The following AHCYL2 variants were observed in gnomAD, a reference collection of about 807,000 sequenced individuals.
The protein encoded by AHCYL2 is adenosylhomocysteinase like 2, also known as S-adenosylhomocysteine hydrolase-like protein 2.
In AHCYL2, 28 loss-of-function variants were observed where a neutral mutation model predicts 81.4. That is an observed-to-expected ratio of 0.34 (90% CI 0.25 to 0.47). AHCYL2 has a LOEUF of 0.47. Ranked by LOEUF, AHCYL2 falls within the 20% of genes least tolerant of loss-of-function variation. AHCYL2 has a pLI of 1.00. For missense variants in AHCYL2, 551 were observed against 785.1 expected (o/e 0.70, Z 3.56); for synonymous variants, 272 against 290.2 (o/e 0.94, Z 0.64).
intron 1 of AHCYL2, among the ~76,000 whole-genome samples, chr7:129,249,189 G>A (rs940297337): frequency 2.6e-5 from 4 of 151,838 alleles, no homozygotes; most frequent in South Asian, 4.2e-4. Context: ...GTAGAGACAA[G>A]ATCTTGCCAT....
chr7:129,275,713 A>G (rs913891705), intron 1 of AHCYL2, among the ~76,000 whole-genome samples: 4 of 152,182 alleles, frequency 2.6e-5, no homozygotes, highest in African/African-American at 9.7e-5. Context: ...ATAGATAGAT[A>G]GAATACAAAA....
At chr7:129,407,663 C>T (rs1016138016) in intron 10 of AHCYL2, among the ~76,000 whole-genome samples, 12 of 152,128 alleles carry the variant, frequency 7.9e-5, no homozygotes, top group African/African-American at 2.9e-4. Context: ...CCTGTAGACA[C>T]GAATTGATCA....
intron 1 of AHCYL2, among the ~76,000 whole-genome samples, chr7:129,262,940 G>C (rs927415100): frequency 1.3e-5 from 2 of 152,132 alleles, no homozygotes; most frequent in African/African-American, 4.8e-5. Context: ...TTGGAATACG[G>C]AATAGGAGTC....
At position 129,409,328 on chromosome 7, in the gene AHCYL2, C is replaced by T. The variant is rs985026705; in HGVS notation, c.1296-148C>T. 6 of 566,906 alleles carry T rather than the reference C, an allele frequency of 1.1e-5. No individual in the cohort carries two copies. In the East Asian group the frequency reaches 1.6e-4, roughly 15 times the overall value. The allele number at this position is 566,906 out of a possible 1,614,324, so 35.1% of individuals were successfully genotyped here. On this transcript the variant is annotated intron_variant, in intron 10 of 16. Transcript: ENST00000325006. ...ACCTTTTATTTCTGTCTTGTATGAA[C>T]TAAGGAAATTGTTTGGATTTTTCAC...
At chr7:129,331,269 G>C (rs1391798880) in intron 1 of AHCYL2, among the ~76,000 whole-genome samples, 1 of 152,066 alleles carries the variant, frequency 6.6e-6, no homozygotes, top group Admixed American at 6.6e-5. Context: ...TGGCAATAGA[G>C]AACATGTTAT....
intron 1 of AHCYL2, among the ~76,000 whole-genome samples, chr7:129,288,023 TATC>T (rs1435529816): frequency 6.6e-6 from 1 of 152,200 alleles, no homozygotes; most frequent in African/African-American, 2.4e-5. Context: ...TCAATTCCAT[TATC>T]ATGCTAAAAA....
Position 129,375,708 on chromosome 7 carries a change from T to C in AHCYL2, c.364-3930T>C, listed in dbSNP as rs1193751644. Reference sequence around the variant, plus strand: ...GGGGCTGTACTGCTGAAGGGGTTGTTGGAGCTGCTTCAGGGATTCCAAGGA... The same window carrying C: ...GGGGCTGTACTGCTGAAGGGGTTGTCGGAGCTGCTTCAGGGATTCCAAGGA... On this transcript the variant is annotated intron_variant, in intron 1 of 16. Coordinates refer to ENST00000325006, the MANE Select transcript of AHCYL2 (RefSeq NM_015328.4). The C allele has an allele frequency of 4.8e-6, 7 of 1,443,690 alleles. No individual in the cohort carries two copies. In the Admixed American group the frequency reaches 1.4e-4, roughly 28 times the overall value. 89.4% of individuals were successfully genotyped at this position (1,443,690 alleles called of 1,614,324 possible).
chr7:129,417,883 A>G (rs779285662), intron 12 of AHCYL2, among the ~76,000 whole-genome samples: 3 of 152,370 alleles, frequency 2.0e-5, no homozygotes, highest in Non-Finnish European at 4.4e-5. Context: ...GAGACAAATA[A>G]TAAAGAAATA....
chr7:129,315,636 A>G (rs914507906), intron 1 of AHCYL2, among the ~76,000 whole-genome samples: 14 of 152,250 alleles, frequency 9.2e-5, no homozygotes, highest in Non-Finnish European at 1.8e-4. Flanking sequence ...GCTTGAGGGC[A>G]AAAGCTATGT....
intron 1 of AHCYL2, among the ~76,000 whole-genome samples, chr7:129,315,116 CTA>C (rs1363845947): frequency 1.3e-5 from 2 of 152,128 alleles, no homozygotes; most frequent in Admixed American, 6.5e-5. Flanking sequence ...GAAAAAAACC[CTA>C]TGTCTTACCT....
intron 1 of AHCYL2, among the ~76,000 whole-genome samples, chr7:129,366,469 C>T (rs142824164): frequency 1.1e-4 from 16 of 152,252 alleles, no homozygotes; most frequent in East Asian, 5.8e-4. Flanking sequence ...AGACAGGTCT[C>T]GGTTAATTTA....
chr7:129,344,039 C>G (rs1334157100), intron 1 of AHCYL2, among the ~76,000 whole-genome samples: 1 of 152,080 alleles, frequency 6.6e-6, no homozygotes, highest in African/African-American at 2.4e-5. Flanking sequence ...ATAAGATACT[C>G]AACACCACGA....
At position 129,368,529 on chromosome 7, in the gene AHCYL2, C is replaced by G. The variant is rs376594441; in HGVS notation, c.364-11109C>G. Reference sequence around the variant, plus strand: ...TGGGACGGTAATGAGGGCACCTCAGCTTTTCACATGCCTGAGTGGATGGTG... The same window carrying G: ...TGGGACGGTAATGAGGGCACCTCAGGTTTTCACATGCCTGAGTGGATGGTG... On this transcript the variant is annotated intron_variant, in intron 1 of 16. Coordinates refer to ENST00000325006, the MANE Select transcript of AHCYL2 (RefSeq NM_015328.4). The surrounding 1 kb of genome is among the most constrained non-coding windows in gnomAD (Gnocchi z 4.4). 2.2e-5 allele frequency: 35 copies of G among 1,613,930 alleles called. No individual in the cohort carries two copies. Among genetic ancestry groups the G allele is most frequent in the Non-Finnish European group, 2.9e-5 (34 of 1,179,902 alleles).
intron 2 of AHCYL2, among the ~76,000 whole-genome samples, chr7:129,382,873 T>C (rs538186533): frequency 1.2e-4 from 19 of 152,116 alleles, no homozygotes; most frequent in African/African-American, 4.3e-4. Context: ...GCCATTGCAC[T>C]CCAGCCTGGG....
chr7:129,231,924 G>A (rs534187084), intron 1 of AHCYL2, among the ~76,000 whole-genome samples: 1 of 151,946 alleles, frequency 6.6e-6, no homozygotes, highest in East Asian at 1.9e-4. Flanking sequence ...ACTAAAAGCT[G>A]GTGATTTTAT....
chr7:129,281,489 ATTT>A (rs34422629), intron 1 of AHCYL2, among the ~76,000 whole-genome samples: 2 of 74,146 alleles, frequency 2.7e-5, no homozygotes, highest in Admixed American at 3.3e-4. Context: ...CTGTTTCTAG[ATTT>A]TTTTTTTTTT....
intron 1 of AHCYL2, among the ~76,000 whole-genome samples, chr7:129,305,485 A>G (rs1435650142): frequency 6.6e-6 from 1 of 152,090 alleles, no homozygotes; most frequent in East Asian, 1.9e-4. Context: ...AACAAAAAAA[A>G]ACACTTTATA....
At chr7:129,256,550 C>T (rs1795431724) in intron 1 of AHCYL2, among the ~76,000 whole-genome samples, 1 of 19,282 alleles carries the variant, frequency 5.2e-5, no homozygotes, top group African/African-American at 1.8e-4. Context: ...CCACCCCCCA[C>T]CCCCCCCCCG....
intron 1 of AHCYL2, among the ~76,000 whole-genome samples, chr7:129,327,022 G>T (rs1040351193): frequency 2.0e-5 from 3 of 152,152 alleles, no homozygotes; most frequent in Non-Finnish European, 4.4e-5. Context: ...TAGAAGATAC[G>T]ATTCTTTACT....
Sources: allele counts gnomAD v4.1 joint callset (sites outside exome capture counted in the v4.1 genomes callset), GRCh38; gene constraint gnomAD v4.1.1; non-coding constraint Gnocchi (gnomAD v3.1); transcripts MANE v1.5; gene names NCBI Gene and HGNC (gene_info 2026-07-23, HGNC 2026-07-21).